Variants in FAM124A observed in about 807,000 individuals in gnomAD.
FAM124A encodes protein FAM124A.
In FAM124A, 23 loss-of-function variants were observed where a neutral mutation model predicts 24.5. The observed-to-expected ratio is 0.94, with a 90% CI of 0.68 to 1.33. The LOEUF (loss-of-function observed/expected upper bound fraction) is 1.33, where lower values mean the gene tolerates loss of function less well. FAM124A is among the 40% of genes most tolerant of loss of function. FAM124A has a pLI of 0.00. For missense variants in FAM124A, 623 were observed against 722.8 expected (o/e 0.86, Z 1.58); for synonymous variants, 287 against 314.7 (o/e 0.91, Z 0.93).
In FAM124A at chr13:51,280,842, C is replaced by G; in HGVS notation, c.1227C>G (p.Ala409=). 1 of 1,614,126 alleles carries G rather than the reference C, an allele frequency of 6.2e-7. No homozygotes were observed. Among genetic ancestry groups the G allele is most frequent in the South Asian group, 1.1e-5 (1 of 91,086 alleles). The change falls in exon 4 of 4, where the codon GCC becomes GCG. Residue 409 remains alanine (A), a synonymous_variant. Coordinates refer to ENST00000322475, the MANE Select transcript of FAM124A (RefSeq NM_001242312.2). ...HLLSIDDLEG[A]QETDVDTGLR... is the part of the protein sequence containing the mutation. ...TCTCCATCGATGACCTAGAGGGGGCCCAGGAGACAGACGTGGACACAGGCC... is the reference window on the plus strand; with the variant it reads ...TCTCCATCGATGACCTAGAGGGGGCGCAGGAGACAGACGTGGACACAGGCC...
At chr13:51,265,276 G>T in intron 3 of FAM124A, among the ~76,000 whole-genome samples, 1 of 152,236 alleles carries the variant, frequency 6.6e-6, no homozygotes, top group Non-Finnish European at 1.5e-5. Context: ...GTCTCTCACC[G>T]CCTCAACTTC....
intron 3 of FAM124A, among the ~76,000 whole-genome samples, chr13:51,257,658 T>G (rs1954689460): frequency 6.6e-6 from 1 of 152,142 alleles, no homozygotes. Context: ...TCTTGCTCAC[T>G]CTCCTTCTCC....
Position 51,272,131 on chromosome 13 carries a change from A to G in FAM124A, c.835-8319A>G, listed in dbSNP as rs977351094. Among the ~76,000 whole-genome samples the G allele has an allele frequency of 4.6e-5, 7 of 152,178 alleles. No homozygotes were observed. Among genetic ancestry groups the G allele is most frequent in the South Asian group, 2.1e-4 (1 of 4,814 alleles). On this transcript the variant is annotated intron_variant, in intron 3 of 3. Coordinates refer to ENST00000322475, the MANE Select transcript of FAM124A (RefSeq NM_001242312.2). The surrounding 1 kb of genome is among the most constrained non-coding windows in gnomAD (Gnocchi z 4.2). The stretch of plus-strand genomic sequence containing the variant: ...AGTTCAGAGAAGCTCTAGCTGTGAG[A>G]CCAGCCACTTCCCTCTTCAAGGCAG...
rs1028240649 is a variant in FAM124A, at chr13:51,284,232, T to C, written c.*2976T>C. ...GTAGGTGCTCAATAAATGTGTTCAA[T>C]TGAAAAATATTGAGGTTGTCTCATA... On this transcript the variant is annotated 3_prime_UTR_variant, in exon 4 of 4. Transcript: ENST00000322475. 6 of 152,298 alleles carry C rather than the reference T, an allele frequency of 3.9e-5. No homozygotes were observed. Among genetic ancestry groups the C allele is most frequent in the Non-Finnish European group, 7.3e-5 (5 of 68,034 alleles). 9.4% of individuals were successfully genotyped at this position (152,298 alleles called of 1,614,324 possible).
chr13:51,275,790 G>T (rs906747343), intron 3 of FAM124A, among the ~76,000 whole-genome samples: 2 of 152,156 alleles, frequency 1.3e-5, no homozygotes, highest in Non-Finnish European at 2.9e-5. Flanking sequence ...ATGTATCGAC[G>T]CAACCAATTT....
chr13:51,267,009 G>A (rs1954791599), intron 3 of FAM124A, among the ~76,000 whole-genome samples: 1 of 152,202 alleles, frequency 6.6e-6, no homozygotes, highest in African/African-American at 2.4e-5. Context: ...GCAGGGGCAG[G>A]CAGATAATAA....
At chr13:51,249,873 G>A (rs1370673668) in intron 2 of FAM124A, among the ~76,000 whole-genome samples, 1 of 152,228 alleles carries the variant, frequency 6.6e-6, no homozygotes, top group Non-Finnish European at 1.5e-5. Flanking sequence ...TGCAGGTTGT[G>A]CACTGCACAG....
At chr13:51,241,217 A>G (rs185686205) in intron 2 of FAM124A, among the ~76,000 whole-genome samples, 328 of 152,222 alleles carry the variant, frequency 2.2e-3, no homozygotes, top group African/African-American at 7.2e-3. Flanking sequence ...AACAGCCAGG[A>G]CTCTGTAGGT....
chr13:51,227,320 T>A (rs1954325685), intron 1 of FAM124A: 1 of 152,196 alleles, frequency 6.6e-6, no homozygotes, highest in Non-Finnish European at 1.5e-5. Flanking sequence ...CCAGTATGCT[T>A]CCCACCTAGT....
At position 51,282,641 on chromosome 13, in the gene FAM124A, G is replaced by C. The variant is rs959609937; in HGVS notation, c.*1385G>C. The C allele has an allele frequency of 6.6e-6, 1 of 152,166 alleles. No individual in the cohort carries two copies. The highest frequency in any genetic ancestry group is 1.5e-5 in the Non-Finnish European group (1 of 68,046). 9.4% of individuals were successfully genotyped at this position (152,166 alleles called of 1,614,324 possible). On this transcript the variant is annotated 3_prime_UTR_variant, in exon 4 of 4. Coordinates refer to ENST00000322475, the MANE Select transcript of FAM124A (RefSeq NM_001242312.2). ...TGCTCCTTGAATTAATCATGGCACA[G>C]TGTTCATCTCTCTGGAAATGCCCAC...
chr13:51,273,372 T>A (rs1191697516), intron 3 of FAM124A, among the ~76,000 whole-genome samples: 2 of 152,190 alleles, frequency 1.3e-5, no homozygotes, highest in Admixed American at 1.3e-4. Flanking sequence ...TGTGCTGAGC[T>A]AGAGAAAACT....
chr13:51,246,395 C>T (rs1330763258), intron 2 of FAM124A, among the ~76,000 whole-genome samples: 7 of 46,578 alleles, frequency 1.5e-4, no homozygotes, highest in Non-Finnish European at 6.5e-5. Context: ...AGGCATGTTT[C>T]TCGTGGGGTG....
chr13:51,245,486 A>G (rs1242314945), intron 2 of FAM124A: 2 of 484,440 alleles, frequency 4.1e-6, no homozygotes, highest in Non-Finnish European at 7.4e-6. Context: ...GCTTATCTAC[A>G]TCTACAGCTC....
In FAM124A at chr13:51,280,731, C is replaced by G. The variant is rs750310277; in HGVS notation, c.1116C>G (p.Ser372=). 2 of 1,614,226 alleles carry G rather than the reference C, an allele frequency of 1.2e-6. No homozygotes were observed. The highest frequency in any genetic ancestry group is 1.7e-6 in the Non-Finnish European group (2 of 1,180,046). ...SLFCLPTGGP[S]LASSAEPQWF... ...TTTGTTTGCCCACGGGAGGCCCCTC[C>G]CTGGCCTCCTCAGCTGAACCACAGT... Residue 372 remains serine (S), a synonymous_variant, in exon 4 of 4, where the codon TCC becomes TCG. Coordinates refer to ENST00000322475, the MANE Select transcript of FAM124A (RefSeq NM_001242312.2).
At chr13:51,255,206 A>G (rs1421919300) in intron 3 of FAM124A, among the ~76,000 whole-genome samples, 20 of 152,220 alleles carry the variant, frequency 1.3e-4, no homozygotes, top group Non-Finnish European at 2.9e-5. Flanking sequence ...AGTGATGACA[A>G]TTAGAACAAA....
intron 3 of FAM124A, among the ~76,000 whole-genome samples, chr13:51,275,618 C>A (rs1034518586): frequency 9.9e-5 from 15 of 152,240 alleles, no homozygotes; most frequent in Admixed American, 9.8e-4. Context: ...CCATAAACAT[C>A]TCATAAGATG....
At chr13:51,246,399 T>TGGGGG (rs200227873) in intron 2 of FAM124A, among the ~76,000 whole-genome samples, 20 of 91,904 alleles carry the variant, frequency 2.2e-4, no homozygotes, top group East Asian at 1.2e-3. Context: ...ATGTTTCTCG[T>TGGGGG]GGGGTGGGGG....
chr13:51,251,504 T>C lies in FAM124A; in HGVS notation c.137T>C (p.Leu46Pro), dbSNP rs747015012. ...GTTGAAGAGGCGCAGGACCCTTTCC[T>C]GGTCAGCATCCACATAATCGCAGAC... ...LSVEEAQDPF[L>P]VSIHIIADPG... The change falls in exon 3 of 4, where the codon CTG (leucine) becomes CCG (proline). Residue 46 changes from leucine (L) to proline (P), a missense_variant. Coordinates refer to ENST00000322475, the MANE Select transcript of FAM124A (RefSeq NM_001242312.2). The surrounding 1 kb of genome is among the most constrained non-coding windows in gnomAD (Gnocchi z 5.3). 5 of 1,510,854 alleles carry C rather than the reference T, an allele frequency of 3.3e-6. No homozygotes were observed. Among genetic ancestry groups the C allele is most frequent in the Non-Finnish European group, 4.4e-6 (5 of 1,129,034 alleles). 93.6% of individuals were successfully genotyped at this position (1,510,854 alleles called of 1,614,324 possible).
chr13:51,262,073 G>C (rs1954743888), intron 3 of FAM124A, among the ~76,000 whole-genome samples: 1 of 152,198 alleles, frequency 6.6e-6, no homozygotes, highest in African/African-American at 2.4e-5. Context: ...CAGGAAAACA[G>C]GAAAGCATAG....
Sources: allele counts gnomAD v4.1 joint callset (sites outside exome capture counted in the v4.1 genomes callset), GRCh38; gene constraint gnomAD v4.1.1; non-coding constraint Gnocchi (gnomAD v3.1); transcripts MANE v1.5; gene names NCBI Gene and HGNC (gene_info 2026-07-23, HGNC 2026-07-21).